Variants in FER1L6 observed in about 807,000 individuals in gnomAD.
FER1L6 encodes the protein fer-1 like family member 6, also known as fer-1-like protein 6.
A neutral mutation model predicts 219.2 loss-of-function variants in FER1L6; 177 were observed. The observed-to-expected ratio is 0.81, with a 90% CI of 0.71 to 0.91. The LOEUF is 0.91. Among genes scored for constraint, FER1L6 ranks in the 40% least tolerant of loss-of-function variants. The pLI is 0.00. For synonymous variants in FER1L6, 768 were observed against 824.3 expected (o/e 0.93, Z 1.17); for missense variants, 2,153 against 2,259.9 (o/e 0.95, Z 0.96).
intron 39 of FER1L6, among the ~76,000 whole-genome samples, chr8:124,114,057 T>G (rs1247851102): frequency 6.6e-6 from 1 of 152,212 alleles, no homozygotes; most frequent in African/African-American, 2.4e-5. Flanking sequence ...ATTATTTCAT[T>G]GGTTTTATAA....
rs751765903 is a variant in FER1L6 at position 123,966,301 on chromosome 8, G to A, written c.384+11G>A. ...CCATTTTATAATGAAGTAAGTCATG[G>A]AGGTCACCCACAGCTTTTGCACTAA... On this transcript the variant is annotated intron_variant, in intron 5 of 40. Transcript: ENST00000522917. 6 of 1,613,952 alleles carry A rather than the reference G, an allele frequency of 3.7e-6. No homozygotes were observed. The Admixed American group carries it at 1.0e-4, about 27-fold the overall frequency.
At chr8:124,042,660 A>G (rs1819557372) in intron 20 of FER1L6, among the ~76,000 whole-genome samples, 1 of 152,122 alleles carries the variant, frequency 6.6e-6, no homozygotes, top group Non-Finnish European at 1.5e-5. Context: ...TGCCCCCTTT[A>G]TGTATTTTTA....
chr8:123,898,493 C>A (rs560928197), intron 1 of FER1L6, among the ~76,000 whole-genome samples: 57 of 151,854 alleles, frequency 3.8e-4, no homozygotes, highest in Non-Finnish European at 6.2e-4. Flanking sequence ...TTTGCATCCT[C>A]ATAGCTTAGC....
chr8:123,975,041 A>G lies in FER1L6; in HGVS notation c.527-109A>G, dbSNP rs1816000324. The G allele has an allele frequency of 5.0e-6, 5 of 992,702 alleles. No individual in the cohort carries two copies. In the South Asian group the frequency reaches 1.2e-4, roughly 23 times the overall value. 61.5% of individuals were successfully genotyped at this position (992,702 alleles called of 1,614,324 possible). A position where few individuals can be genotyped will look rare whatever the true frequency, so the allele number is the denominator to read the frequency against. On this transcript the variant is annotated intron_variant, in intron 7 of 40. Transcript: ENST00000522917. ...AAAAAACTGAGATGATTTACCACCT[A>G]GAGCAACAGAGGGAGGAGAGCCTGG...
In FER1L6 at chr8:124,023,465, G is replaced by A. The variant is rs533909082; in HGVS notation, c.2155G>A (p.Val719Ile). The A allele has an allele frequency of 3.4e-5, 55 of 1,614,072 alleles. No individual in the cohort carries two copies. The East Asian group carries it at 5.1e-4, about 15-fold the overall frequency. ...ACAGCCCCAGCACACTATCCCTGAC[G>A]TTTTCATCTGGATGCTCAGCAACAA... ...VDEPQHTIPD[V>I]FIWMLSNNRR... is the part of the protein sequence containing the mutation. The change falls in exon 18 of 41, where the codon GTT becomes ATT. Residue 719 changes from valine (V) to isoleucine (I), a missense_variant. By Grantham distance (29) the Val-to-Ile change is conservative (BLOSUM62 3). Coordinates refer to ENST00000522917, the MANE Select transcript of FER1L6 (RefSeq NM_001039112.2).
intron 1 of FER1L6, among the ~76,000 whole-genome samples, chr8:123,926,927 T>C (rs7004220): frequency 0.46 from 69,987 of 151,634 alleles, 16,335 homozygotes; most frequent in South Asian, 0.52. Flanking sequence ...TTATAAATTT[T>C]GTAACATATT....
intron 40 of FER1L6, 79 bp downstream of exon 40, chr8:124,119,023 T>TGCAGTC (rs1823369782): frequency 8.5e-7 from 1 of 1,176,704 alleles, no homozygotes; most frequent in Admixed American, 1.9e-5. Context: ...TAATGGCATT[T>TGCAGTC]CTTTAGAGCA....
At chr8:124,076,587 CT>C (rs1563785149) in intron 32 of FER1L6, among the ~76,000 whole-genome samples, 1 of 151,964 alleles carries the variant, frequency 6.6e-6, no homozygotes, top group Non-Finnish European at 1.5e-5. Flanking sequence ...TTTTCTTTTT[CT>C]TTTTTTGTGA....
rs781744513 is a variant in FER1L6 at position 124,061,943 on chromosome 8, A to G, written c.3239A>G (p.Tyr1080Cys). The G allele has an allele frequency of 1.2e-6, 2 of 1,614,192 alleles. No individual in the cohort carries two copies. The highest frequency in any genetic ancestry group is 1.7e-5 in the Admixed American group (1 of 60,028). ...AFGRSTLVGTYTINYLKQFLC... is the reference protein window; with the variant it reads ...AFGRSTLVGTCTINYLKQFLC... ...GGGAGGAGTACCCTTGTGGGCACCT[A>G]CACCATCAACTACTTGAAGCAGTTT... The change falls in exon 25 of 41, where the codon TAC (tyrosine) becomes TGC (cysteine). Residue 1080 changes from tyrosine to cysteine, a missense_variant. By Grantham distance (194) the Tyr-to-Cys change is radical. Transcript: ENST00000522917.
chr8:123,997,021 T>A (rs1399573297), intron 12 of FER1L6, among the ~76,000 whole-genome samples: 1 of 152,178 alleles, frequency 6.6e-6, no homozygotes, highest in Non-Finnish European at 1.5e-5. Context: ...AGTTTTCTAC[T>A]AAAGATACAA....
chr8:124,066,313 C>T (rs956718233), intron 26 of FER1L6, 115 bp from the exon 27 acceptor site: 3 of 1,178,868 alleles, frequency 2.5e-6, no homozygotes, highest in Non-Finnish European at 3.6e-6. Context: ...CCAGTGGATA[C>T]CTCTGTGTGT....
chr8:123,947,752 T>C (rs986009901), intron 1 of FER1L6, among the ~76,000 whole-genome samples: 1 of 152,168 alleles, frequency 6.6e-6, no homozygotes, highest in Non-Finnish European at 1.5e-5. Context: ...GTGATAAGTA[T>C]ATAATAGAGA....
At position 123,877,129 on chromosome 8, in the gene FER1L6, A is replaced by G. The variant is rs545050694; in HGVS notation, c.-8+24944A>G. On this transcript the variant is annotated intron_variant, in intron 1 of 40. Coordinates refer to ENST00000522917, the MANE Select transcript of FER1L6 (RefSeq NM_001039112.2). ...ACTGGTATCGCTGGTGCCCAGCACA[A>G]CACCATAGAAATGTTTACTCATAGG... Among the ~76,000 whole-genome samples the G allele has an allele frequency of 5.3e-5, 8 of 152,370 alleles. No individual in the cohort carries two copies. The South Asian group carries it at 1.7e-3, about 32-fold the overall frequency.
intron 20 of FER1L6, among the ~76,000 whole-genome samples, chr8:124,043,977 C>T (rs1392747024): frequency 6.6e-6 from 1 of 152,184 alleles, no homozygotes; most frequent in African/African-American, 2.4e-5. Flanking sequence ...AATACTGTGC[C>T]TAGCACATTG....
At position 124,064,573 on chromosome 8, in the gene FER1L6, G is replaced by T; in HGVS notation, c.3555G>T (p.Lys1185Asn). ...AQEPPKDGKP[K>N]DPRKPSRRST... is the part of the protein sequence containing the mutation. ...AGCCACCAAAAGATGGAAAACCTAA[G>T]GTCAGACTAAAATCCCTCTCTATAT... The change falls in exon 26 of 41, where the codon AAG becomes AAT. Residue 1185 changes from lysine to asparagine, a missense_variant and splice_region_variant. Lys to Asn is a moderately conservative substitution (Grantham distance 94). Transcript: ENST00000522917. The T allele has an allele frequency of 6.2e-7, 1 of 1,610,250 alleles. No individual in the cohort carries two copies. The highest frequency in any genetic ancestry group is 8.5e-7 in the Non-Finnish European group (1 of 1,178,988).
At chr8:123,962,890 A>G (rs564983356) in intron 2 of FER1L6, among the ~76,000 whole-genome samples, 4 of 152,126 alleles carry the variant, frequency 2.6e-5, no homozygotes, top group Non-Finnish European at 5.9e-5. Context: ...AGCTTCCCAA[A>G]GTGCTCGGAT....
At chr8:123,897,967 G>A (rs1047856354) in intron 1 of FER1L6, among the ~76,000 whole-genome samples, 8 of 152,178 alleles carry the variant, frequency 5.3e-5, no homozygotes, top group African/African-American at 1.4e-4. Context: ...GGCTGATTCC[G>A]TTCCAATTTA....
intron 24 of FER1L6, among the ~76,000 whole-genome samples, chr8:124,061,287 T>C (rs2130827903): frequency 6.6e-6 from 1 of 152,340 alleles, no homozygotes; most frequent in Non-Finnish European, 1.5e-5. Context: ...TGTGCTTCGA[T>C]TTGAAACTAA....
chr8:124,071,213 CA>C (rs1191067870), intron 30 of FER1L6, among the ~76,000 whole-genome samples: 13 of 152,172 alleles, frequency 8.5e-5, no homozygotes, highest in African/African-American at 3.1e-4. Context: ...GAAGCACTAG[CA>C]CCGCACCCCA....
Sources: gnomAD v4.1 joint callset for allele counts (sites outside exome capture counted in the v4.1 genomes callset) on GRCh38, gnomAD v4.1.1 for gene constraint, MANE v1.5 for transcripts, NCBI Gene and HGNC (gene_info 2026-07-23, HGNC 2026-07-21) for gene names.